ACER3: variants seen among roughly 807,000 people sequenced by gnomAD.
ACER3 encodes alkCDase 3.
Under a neutral mutation model 48.9 loss-of-function variants are expected in ACER3, and 16 were observed. That is an observed-to-expected ratio of 0.33 (90% CI 0.22 to 0.50). The LOEUF (loss-of-function observed/expected upper bound fraction) is 0.50, where lower values mean the gene tolerates loss of function less well. Among genes scored for constraint, ACER3 ranks in the 20% least tolerant of loss-of-function variants. ACER3 has a pLI of 0.98. For synonymous variants in ACER3, 109 were observed against 107.8 expected, an observed-to-expected ratio of 1.01 and a Z score of -0.07; for missense variants, 227 against 326.0, an observed-to-expected ratio of 0.70 and a Z score of 2.34.
chr11:76,944,735 T>C (rs1034376841), intron 2 of ACER3, among the ~76,000 whole-genome samples: 1 of 152,186 alleles, frequency 6.6e-6, no homozygotes, highest in African/African-American at 2.4e-5. Context: ...CTCCTGAATC[T>C]GGATGTCTAA....
intron 1 of ACER3, among the ~76,000 whole-genome samples, chr11:76,874,649 T>C (rs1945324176): frequency 6.6e-6 from 1 of 152,186 alleles, no homozygotes; most frequent in Non-Finnish European, 1.5e-5. Context: ...AGGCATTAAG[T>C]GCAAAAGCTA....
At chr11:76,892,403 A>C (rs1945828248) in intron 1 of ACER3, among the ~76,000 whole-genome samples, 2 of 152,188 alleles carry the variant, frequency 1.3e-5, no homozygotes, top group South Asian at 4.1e-4. Context: ...TTGAAGCTTA[A>C]TAGGAAAGAC....
chr11:76,931,458 C>T (rs1327552296), intron 2 of ACER3, among the ~76,000 whole-genome samples: 1 of 151,872 alleles, frequency 6.6e-6, no homozygotes, highest in Non-Finnish European at 1.5e-5. Flanking sequence ...GCATTTAGCC[C>T]ATTTACGTTT....
Position 76,985,739 on chromosome 11 carries a change from G to A in ACER3, c.402+15G>A, listed in dbSNP as rs1291100542. ...TAGTAACCACAGTAAGTCATATTTT[G>A]TTTCTAACAGATTAAGCATGTAAAT... is the stretch of plus-strand genomic sequence containing the variant. On this transcript the variant is annotated intron_variant, in intron 5 of 10. Coordinates refer to ENST00000532485, the MANE Select transcript of ACER3 (RefSeq NM_018367.7). 7.1e-7 allele frequency: 1 copy of A among 1,417,492 alleles called. No homozygotes were observed. Among genetic ancestry groups the A allele is most frequent in the Non-Finnish European group, 9.5e-7 (1 of 1,051,140 alleles). The allele number at this position is 1,417,492 out of a possible 1,614,324, so 87.8% of individuals were successfully genotyped here.
intron 1 of ACER3, among the ~76,000 whole-genome samples, chr11:76,899,805 A>G (rs934170104): frequency 6.6e-6 from 1 of 152,180 alleles, no homozygotes; most frequent in Non-Finnish European, 1.5e-5. Context: ...ATTTTTGCAC[A>G]TATACGGTTG....
intron 2 of ACER3, among the ~76,000 whole-genome samples, chr11:76,943,170 C>T (rs370409524): frequency 6.6e-6 from 1 of 151,816 alleles, no homozygotes; most frequent in East Asian, 1.9e-4. Context: ...TTTATTCCTG[C>T]TCTTATCTTT....
rs559589100 is a variant in ACER3 at position 76,914,507 on chromosome 11, A to G, written c.104-12050A>G. Among the ~76,000 whole-genome samples the G allele has an allele frequency of 1.2e-3, 182 of 152,324 alleles. 1 individual carries two copies. The highest frequency in any genetic ancestry group is 0.01 in the Middle Eastern group (3 of 294). On this transcript the variant is annotated intron_variant, in intron 1 of 10. Coordinates refer to ENST00000532485, the MANE Select transcript of ACER3 (RefSeq NM_018367.7). Reference sequence around the variant, plus strand: ...AAACCACAATGAGATACCATCTCACACCAGTTAGAATGGCGATCATTAAAA... The same window carrying G: ...AAACCACAATGAGATACCATCTCACGCCAGTTAGAATGGCGATCATTAAAA...
chr11:76,962,763 A>C (rs1319862560), intron 3 of ACER3, among the ~76,000 whole-genome samples: 1 of 151,468 alleles, frequency 6.6e-6, no homozygotes, highest in Non-Finnish European at 1.5e-5. Context: ...AGAGAGTGTC[A>C]TGCAGTGGGG....
At chr11:76,876,162 C>T (rs531246272) in intron 1 of ACER3, among the ~76,000 whole-genome samples, 32 of 152,294 alleles carry the variant, frequency 2.1e-4, no homozygotes, top group South Asian at 1.9e-3. Context: ...GTAACAACCT[C>T]TATCAAGATG....
At chr11:76,966,856 G>A (rs1055081876) in intron 3 of ACER3, among the ~76,000 whole-genome samples, 35 of 151,012 alleles carry the variant, frequency 2.3e-4, no homozygotes, top group East Asian at 2.1e-3. Flanking sequence ...GAGAAAGCAG[G>A]AAAGATCTAC....
chr11:76,882,837 C>T (rs1175797443), intron 1 of ACER3, among the ~76,000 whole-genome samples: 1 of 152,126 alleles, frequency 6.6e-6, no homozygotes, highest in African/African-American at 2.4e-5. Context: ...GTTTCTTGAC[C>T]AGCATCTCAT....
intron 1 of ACER3, among the ~76,000 whole-genome samples, chr11:76,907,413 C>A (rs1946262997): frequency 6.6e-6 from 1 of 152,166 alleles, no homozygotes; most frequent in Admixed American, 6.6e-5. Flanking sequence ...GTTTATATCT[C>A]TATTTTTGTG....
At chr11:76,914,324 T>C (rs1351278610) in intron 1 of ACER3, among the ~76,000 whole-genome samples, 2 of 152,084 alleles carry the variant, frequency 1.3e-5, no homozygotes, top group African/African-American at 4.8e-5. Context: ...ATATCCAGAA[T>C]CTACAAAGAA....
intron 2 of ACER3, among the ~76,000 whole-genome samples, chr11:76,929,636 A>T (rs147665775): frequency 6.6e-6 from 1 of 152,190 alleles, no homozygotes; most frequent in Non-Finnish European, 1.5e-5. Context: ...GATATGTCCC[A>T]TCAGTACCTA....
At chr11:76,990,176 T>G (rs759392830) in intron 5 of ACER3, among the ~76,000 whole-genome samples, 38 of 152,212 alleles carry the variant, frequency 2.5e-4, no homozygotes, top group Non-Finnish European at 4.9e-4. Context: ...TATCTCTAAG[T>G]CCGGTGTTCT....
chr11:76,987,230 T>C (rs563953940), intron 5 of ACER3, among the ~76,000 whole-genome samples: 55 of 152,304 alleles, frequency 3.6e-4, no homozygotes, highest in African/African-American at 1.3e-3. Flanking sequence ...TAGTAAGATA[T>C]GAGACTCAGG....
At chr11:76,863,118 T>G (rs1435211249) in intron 1 of ACER3, among the ~76,000 whole-genome samples, 1 of 152,088 alleles carries the variant, frequency 6.6e-6, no homozygotes, top group Non-Finnish European at 1.5e-5. Context: ...TCCCAGCTAC[T>G]TAGGAGACTG....
At chr11:76,993,043 C>G (rs1457407885) in intron 6 of ACER3, among the ~76,000 whole-genome samples, 3 of 152,060 alleles carry the variant, frequency 2.0e-5, no homozygotes, top group African/African-American at 7.2e-5. Context: ...TGTTTTGCAT[C>G]TTTTGTAGAG....
At chr11:76,952,002 G>A (rs575255328) in intron 2 of ACER3, among the ~76,000 whole-genome samples, 1 of 152,238 alleles carries the variant, frequency 6.6e-6, no homozygotes, top group Non-Finnish European at 1.5e-5. Context: ...CTTAACTGGA[G>A]AGGAAGCAGA....
Sources: allele counts gnomAD v4.1 joint callset (sites outside exome capture counted in the v4.1 genomes callset), GRCh38; gene constraint gnomAD v4.1.1; transcripts MANE v1.5; gene names NCBI Gene and HGNC (gene_info 2026-07-23, HGNC 2026-07-21).